The following SDK2 variants were observed in gnomAD, a reference collection of about 807,000 sequenced individuals.
SDK2 encodes the protein protein sidekick-2.
In SDK2, 105 loss-of-function variants were observed where a neutral mutation model predicts 253.9. The observed-to-expected ratio is 0.41, with a 90% CI of 0.35 to 0.49. The LOEUF is 0.49. Among genes scored for constraint, SDK2 ranks in the 20% least tolerant of loss-of-function variants. The probability of loss-of-function intolerance (pLI) is 0.06; values close to 1 mark genes in which losing one functional copy is unlikely to be tolerated. For missense variants in SDK2, 2,608 were observed against 3,003.0 expected, an observed-to-expected ratio of 0.87 and a Z score of 3.07; for synonymous variants, 1,249 against 1,234.9, an observed-to-expected ratio of 1.01 and a Z score of -0.24.
chr17:73,432,793 T>C (rs117043974), intron 10 of SDK2, among the ~76,000 whole-genome samples: 4,693 of 149,532 alleles, frequency 0.031, 99 homozygotes, highest in Non-Finnish European at 0.045. Flanking sequence ...TGTATGTACA[T>C]GTGTGTGCAT....
At chr17:73,594,289 C>T (rs1472070836) in intron 1 of SDK2, among the ~76,000 whole-genome samples, 1 of 152,108 alleles carries the variant, frequency 6.6e-6, no homozygotes, top group South Asian at 2.1e-4. Flanking sequence ...GGGGTGCTGG[C>T]CTTCCCCCGG....
intron 10 of SDK2, among the ~76,000 whole-genome samples, chr17:73,433,028 A>G (rs887163132): frequency 1.4e-4 from 22 of 152,108 alleles, no homozygotes; most frequent in Non-Finnish European, 2.8e-4. Flanking sequence ...GGAGACTGGC[A>G]GCAGCCACCA....
At chr17:73,602,418 T>A (rs919432502) in intron 1 of SDK2, among the ~76,000 whole-genome samples, 1 of 152,010 alleles carries the variant, frequency 6.6e-6, no homozygotes, top group African/African-American at 2.4e-5. Context: ...CAGTGCACCA[T>A]CTCTGACTCA....
intron 1 of SDK2, among the ~76,000 whole-genome samples, chr17:73,603,223 C>T (rs1443537757): frequency 5.3e-5 from 8 of 152,166 alleles, no homozygotes; most frequent in Non-Finnish European, 8.8e-5. Context: ...CTCCAGGTCC[C>T]GGCCTCAGAG....
intron 1 of SDK2, among the ~76,000 whole-genome samples, chr17:73,640,009 T>A (rs2046378443): frequency 6.6e-6 from 1 of 152,174 alleles, no homozygotes; most frequent in Admixed American, 6.5e-5. Context: ...CTTGTTAGCT[T>A]ACAGCCCGAC....
intron 9 of SDK2, 147 bp from the exon 10 acceptor site, chr17:73,433,995 C>T: frequency 1.6e-6 from 1 of 608,894 alleles, no homozygotes; most frequent in South Asian, 2.1e-5. Flanking sequence ...AGGATGTAGG[C>T]ATCTTGATGG....
chr17:73,415,764 C>T (rs2063175273), intron 17 of SDK2, 47 bp downstream of exon 17: 2 of 1,498,760 alleles, frequency 1.3e-6, no homozygotes, highest in East Asian at 2.5e-5. Flanking sequence ...GCTAGGATTA[C>T]ACGCATGAGC....
chr17:73,433,609 G>T, intron 10 of SDK2, 123 bp downstream of exon 10: 1 of 708,794 alleles, frequency 1.4e-6, no homozygotes, highest in African/African-American at 1.8e-5. Flanking sequence ...CTCTTGGGTT[G>T]TACAGTGTAT....
At chr17:73,473,458 T>C (rs1459621822) in intron 2 of SDK2, among the ~76,000 whole-genome samples, 2 of 152,136 alleles carry the variant, frequency 1.3e-5, no homozygotes, top group African/African-American at 4.8e-5. Flanking sequence ...CTCCAATTCA[T>C]TGGTATCCTA....
Position 73,643,426 on chromosome 17 carries a change from C to T in SDK2, c.64+599G>A, listed in dbSNP as rs2046423218. Among the ~76,000 whole-genome samples the T allele has an allele frequency of 1.3e-5, 2 of 152,156 alleles. No individual in the cohort carries two copies. Among genetic ancestry groups the T allele is most frequent in the African/African-American group, 2.4e-5 (1 of 41,466 alleles). On this transcript the variant is annotated intron_variant, in intron 1 of 44. Coordinates refer to ENST00000392650, the MANE Select transcript of SDK2 (RefSeq NM_001144952.2). This position sits in a 1 kb window ranked among gnomAD's most constrained non-coding sequence, Gnocchi z 6.9. ...GTGGGTCCGCGGCTGCACCCGCGAC[C>T]TTGGCTCCAGGCCCGCGCAGCGAAG...
chr17:73,402,158 A>G lies in SDK2; in HGVS notation c.2485-17T>C, dbSNP rs759544334. 1.2e-6 allele frequency: 2 copies of G among 1,609,618 alleles called. No individual in the cohort carries two copies. Among genetic ancestry groups the G allele is most frequent in the East Asian group, 2.2e-5 (1 of 44,846 alleles). ...GGCGATCAGCTGCGGAGAGGCGAGC[A>G]AGTCACACAGGGCAGCAGGAAGGTT... On this transcript the variant is annotated splice_polypyrimidine_tract_variant and intron_variant, in intron 18 of 44. Transcript: ENST00000392650.
intron 1 of SDK2, among the ~76,000 whole-genome samples, chr17:73,591,411 C>T (rs937243178): frequency 1.3e-5 from 2 of 152,148 alleles, no homozygotes; most frequent in East Asian, 1.9e-4. Flanking sequence ...GAGCTCTCTG[C>T]TCCCCCGGCC....
rs769305408 is a variant in SDK2 at position 73,338,929 on chromosome 17, G to A, written c.6177C>T (p.Ser2059=). Residue 2059 remains serine (S), a synonymous_variant, in exon 45 of 45, where the codon AGC becomes AGT. Coordinates refer to ENST00000392650, the MANE Select transcript of SDK2 (RefSeq NM_001144952.2). The surrounding 1 kb of genome is among the most constrained non-coding windows in gnomAD (Gnocchi z 5.0). ...SEISDSQGSD[S]EYEVDSNHQK... ...GGTGGTTTGAGTCGACCTCGTACTC[G>A]CTGTCACTTCCCTGGGAGGACAGAG... The A allele has an allele frequency of 5.6e-6, 9 of 1,613,870 alleles. No homozygotes were observed. The highest frequency in any genetic ancestry group is 2.2e-5 in the East Asian group (1 of 44,874).
At chr17:73,613,376 C>A (rs2046002689) in intron 1 of SDK2, among the ~76,000 whole-genome samples, 1 of 148,894 alleles carries the variant, frequency 6.7e-6, no homozygotes, top group Non-Finnish European at 1.5e-5. Context: ...CCCTCCAGGT[C>A]CCCCTGGCCC....
At chr17:73,512,727 A>G (rs2063991161) in intron 1 of SDK2, among the ~76,000 whole-genome samples, 1 of 152,212 alleles carries the variant, frequency 6.6e-6, no homozygotes, top group African/African-American at 2.4e-5. Flanking sequence ...AAGCTGCAAT[A>G]ATGAAAACAG....
Position 73,644,370 on chromosome 17 carries a change from T to C in SDK2, c.-282A>G, listed in dbSNP as rs1420077451. On this transcript the variant is annotated 5_prime_UTR_variant, in exon 1 of 45. Coordinates refer to ENST00000392650, the MANE Select transcript of SDK2 (RefSeq NM_001144952.2). The surrounding 1 kb of genome is among the most constrained non-coding windows in gnomAD (Gnocchi z 6.3). Reference sequence around the variant, plus strand: ...CTCGGACTAGGGCGCCTCTCTCCCTTAGCACCCCAACTCCGACTTCTCCCA... The same window carrying C: ...CTCGGACTAGGGCGCCTCTCTCCCTCAGCACCCCAACTCCGACTTCTCCCA... Among the ~76,000 whole-genome samples the C allele has an allele frequency of 6.6e-6, 1 of 152,032 alleles. No homozygotes were observed. The highest frequency in any genetic ancestry group is 1.5e-5 in the Non-Finnish European group (1 of 67,960).
At chr17:73,574,207 G>GC (rs1462141867) in intron 1 of SDK2, among the ~76,000 whole-genome samples, 1 of 152,196 alleles carries the variant, frequency 6.6e-6, no homozygotes, top group Middle Eastern at 3.2e-3. Context: ...TGTCCCTTCA[G>GC]CCCCTAGAAC....
At chr17:73,589,051 T>G (rs1039902003) in intron 1 of SDK2, among the ~76,000 whole-genome samples, 3 of 152,268 alleles carry the variant, frequency 2.0e-5, no homozygotes, top group African/African-American at 7.2e-5. Context: ...TGACCTTGCA[T>G]GGAGAGAGGC....
At chr17:73,453,603 C>T (rs2063503708) in intron 4 of SDK2, among the ~76,000 whole-genome samples, 2 of 152,138 alleles carry the variant, frequency 1.3e-5, no homozygotes, top group Non-Finnish European at 2.9e-5. Flanking sequence ...TCTTGAACTC[C>T]TGACCTCATG....
Sources: gnomAD v4.1 joint callset for allele counts (sites outside exome capture counted in the v4.1 genomes callset) on GRCh38, gnomAD v4.1.1 for gene constraint, Gnocchi (gnomAD v3.1) non-coding constraint, MANE v1.5 for transcripts, NCBI Gene and HGNC (gene_info 2026-07-23, HGNC 2026-07-21) for gene names.